The following SHCBP1L variants were observed in gnomAD, a reference collection of about 807,000 sequenced individuals.
The protein encoded by SHCBP1L is testicular spindle-associated protein SHCBP1L.
Under a neutral mutation model 62.5 loss-of-function variants are expected in SHCBP1L, and 67 were observed. The ratio of observed to expected loss-of-function variants is 1.07; its 90% confidence interval spans 0.88 to 1.31. The LOEUF (loss-of-function observed/expected upper bound fraction) is 1.31. Ranked by LOEUF, SHCBP1L falls within the 40% of genes most tolerant of loss-of-function variation. The probability of loss-of-function intolerance (pLI) is 0.00; values close to 1 mark genes in which losing one functional copy is unlikely to be tolerated. For synonymous variants in SHCBP1L, 284 were observed against 289.4 expected, an observed-to-expected ratio of 0.98 and a Z score of 0.19; for missense variants, 823 against 809.8, an observed-to-expected ratio of 1.02 and a Z score of -0.20.
At chr1:182,950,299 T>C (rs1651704182) in intron 2 of SHCBP1L, among the ~76,000 whole-genome samples, 1 of 152,174 alleles carries the variant, frequency 6.6e-6, no homozygotes, top group Admixed American at 6.5e-5. Flanking sequence ...GAATCAAACA[T>C]GCCACAATGT....
chr1:182,951,683 G>A (rs1000906225), intron 1 of SHCBP1L, among the ~76,000 whole-genome samples: 2 of 151,814 alleles, frequency 1.3e-5, no homozygotes, highest in African/African-American at 4.8e-5. Flanking sequence ...CTATTCACTC[G>A]AATAATTCAT....
At chr1:182,942,309 C>G in intron 2 of SHCBP1L, 1 of 903,478 alleles carries the variant, frequency 1.1e-6, no homozygotes, top group African/African-American at 1.6e-5. Flanking sequence ...TTCGCTTCCA[C>G]TGTTGCAGGA....
chr1:182,911,763 A>G (rs973411252), intron 6 of SHCBP1L, among the ~76,000 whole-genome samples: 22 of 152,224 alleles, frequency 1.4e-4, no homozygotes, highest in African/African-American at 5.3e-4. Flanking sequence ...AGCAGAAAAA[A>G]TAATCAGCAA....
At chr1:182,910,537 C>T (rs1379783991) in intron 6 of SHCBP1L, among the ~76,000 whole-genome samples, 7 of 151,976 alleles carry the variant, frequency 4.6e-5, no homozygotes, top group African/African-American at 9.7e-5. Context: ...AGATGCCTAG[C>T]GCAAAGAACA....
intron 5 of SHCBP1L, among the ~76,000 whole-genome samples, chr1:182,938,409 T>G (rs2101950060): frequency 6.6e-6 from 1 of 152,080 alleles, no homozygotes; most frequent in East Asian, 2.0e-4. Context: ...CAGCTTGTGC[T>G]TCTTCTTTTA....
intron 5 of SHCBP1L, among the ~76,000 whole-genome samples, chr1:182,930,889 CTTT>C (rs564364700): frequency 2.6e-5 from 3 of 114,262 alleles, no homozygotes; most frequent in Non-Finnish European, 5.4e-5. Context: ...CCTTGCCTGG[CTTT>C]TTTTTTTTTT....
intron 3 of SHCBP1L, 111 bp downstream of exon 3, chr1:182,940,218 G>T (rs746954071): frequency 1.4e-5 from 11 of 798,938 alleles, no homozygotes; most frequent in Non-Finnish European, 2.2e-5. Flanking sequence ...TCCAGCAGTA[G>T]TGAGTGAAAA....
intron 2 of SHCBP1L, among the ~76,000 whole-genome samples, chr1:182,943,751 C>T (rs1052663317): frequency 6.6e-6 from 1 of 150,940 alleles, no homozygotes; most frequent in African/African-American, 2.4e-5. Flanking sequence ...CCTGGCCTGG[C>T]CTAGTTTTGA....
chr1:182,915,161 C>CAAAAAAAAA (rs371432299), intron 6 of SHCBP1L, among the ~76,000 whole-genome samples: 13 of 31,904 alleles, frequency 4.1e-4, no homozygotes, highest in East Asian at 1.7e-3. Flanking sequence ...GACTCTGTCT[C>CAAAAAAAAA]AAAAAAAAAA....
intron 2 of SHCBP1L, among the ~76,000 whole-genome samples, chr1:182,947,298 T>G (rs1389762439): frequency 1.3e-5 from 2 of 151,998 alleles, no homozygotes; most frequent in African/African-American, 2.4e-5. Flanking sequence ...TTTTCTGCAT[T>G]TCTACACTTG....
At chr1:182,944,790 T>C (rs546177847) in intron 2 of SHCBP1L, among the ~76,000 whole-genome samples, 4 of 152,224 alleles carry the variant, frequency 2.6e-5, no homozygotes, top group African/African-American at 7.2e-5. Flanking sequence ...CATTCACCAA[T>C]ATGGTTATAT....
At chr1:182,949,767 A>G (rs909891469) in intron 2 of SHCBP1L, among the ~76,000 whole-genome samples, 1 of 152,102 alleles carries the variant, frequency 6.6e-6, no homozygotes, top group Non-Finnish European at 1.5e-5. Flanking sequence ...TTGAAAAATT[A>G]ACTAATCCCA....
At chr1:182,948,549 A>T (rs1651643680) in intron 2 of SHCBP1L, among the ~76,000 whole-genome samples, 1 of 152,202 alleles carries the variant, frequency 6.6e-6, no homozygotes, top group South Asian at 2.1e-4. Flanking sequence ...CAGGAAACAG[A>T]TTCTCCCACA....
chr1:182,941,406 G>T (rs1388736137), intron 2 of SHCBP1L, among the ~76,000 whole-genome samples: 1 of 151,734 alleles, frequency 6.6e-6, no homozygotes, highest in Non-Finnish European at 1.5e-5. Context: ...GCCATTTATT[G>T]TAATTCTTTT....
At chr1:182,929,298 C>T (rs933155179) in intron 6 of SHCBP1L, among the ~76,000 whole-genome samples, 1 of 152,102 alleles carries the variant, frequency 6.6e-6, no homozygotes, top group African/African-American at 2.4e-5. Flanking sequence ...TTGTAACTGC[C>T]TATATACTTG....
chr1:182,930,071 A>G (rs960696006), intron 5 of SHCBP1L, among the ~76,000 whole-genome samples: 14 of 152,312 alleles, frequency 9.2e-5, no homozygotes, highest in African/African-American at 2.9e-4. Context: ...GTGTACTTTC[A>G]TAATCCATTG....
intron 6 of SHCBP1L, 144 bp downstream of exon 6, chr1:182,929,503 C>A: frequency 2.0e-6 from 1 of 494,308 alleles, no homozygotes; most frequent in Non-Finnish European, 3.5e-6. Context: ...TATTTAGTAT[C>A]TATTATATGG....
chr1:182,952,966 C>T lies in SHCBP1L; in HGVS notation c.168G>A (p.Pro56=), dbSNP rs1191205485. 1.3e-6 allele frequency: 2 copies of T among 1,545,094 alleles called. No homozygotes were observed. The highest frequency in any genetic ancestry group is 1.4e-5 in the African/African-American group (1 of 73,046). ...PVRSVVASPR[P]VKGKAGRETA... ...TCTCCCGGCCCGCTTTCCCCTTCAC[C>T]GGGCGAGGGGAGGCCACCACCGACC... Residue 56 remains proline, a synonymous_variant, in exon 1 of 10, where the codon CCG becomes CCA. Coordinates refer to ENST00000367547, the MANE Select transcript of SHCBP1L (RefSeq NM_030933.4).
At chr1:182,941,932 T>TA (rs900993407) in intron 2 of SHCBP1L, among the ~76,000 whole-genome samples, 2 of 151,802 alleles carry the variant, frequency 1.3e-5, no homozygotes, top group African/African-American at 2.4e-5. Context: ...TTTCACCTCT[T>TA]AAAAAAAAGC....
Sources: gnomAD v4.1 joint callset for allele counts (sites outside exome capture counted in the v4.1 genomes callset) on GRCh38, gnomAD v4.1.1 for gene constraint, MANE v1.5 for transcripts, NCBI Gene and HGNC (gene_info 2026-07-23, HGNC 2026-07-21) for gene names.